MZT2A: variants seen among roughly 807,000 people sequenced by gnomAD.
MZT2A encodes mitotic spindle organizing protein 2A.
Under a neutral mutation model 12.4 loss-of-function variants are expected in MZT2A, and 8 were observed. The ratio of observed to expected loss-of-function variants is 0.64; its 90% CI spans 0.38 to 1.16. MZT2A has a LOEUF of 1.16. Among genes scored for constraint, MZT2A ranks in the 50% most tolerant of loss-of-function variants. MZT2A has a pLI of 0.01. For synonymous variants in MZT2A, 88 were observed against 107.5 expected (o/e 0.82, Z 1.12); for missense variants, 181 against 223.6 (o/e 0.81, Z 1.22).
chr2:131,493,137 A>G, upstream of MZT2A: 1 of 1,466,590 alleles, frequency 6.8e-7, no homozygotes, highest in Non-Finnish European at 9.0e-7. Context: ...TATGGGTCCC[A>G]CAGGTGAGTG....
chr2:131,493,575 A>G (rs768585229), upstream of MZT2A, among the ~76,000 whole-genome samples: 19 of 152,170 alleles, frequency 1.2e-4, no homozygotes, highest in Non-Finnish European at 2.6e-4. Context: ...GGAGAGTTGG[A>G]AACAAGTGGG....
chr2:131,486,980 T>C (rs1679075829), intron 2 of MZT2A, among the ~76,000 whole-genome samples: 1 of 152,168 alleles, frequency 6.6e-6, no homozygotes, highest in Admixed American at 6.5e-5. Context: ...TAGAATGGCC[T>C]GCAGTGCCTT....
rs1679332328 is a variant in MZT2A, at chr2:131,491,968, A to G, written c.227T>C (p.Leu76Pro). The change falls in exon 2 of 3, where the codon CTC becomes CCC. Residue 76 changes from leucine (L) to proline (P), a missense_variant. Around this residue, in one of 3 missense-constraint regions of MZT2A, gnomAD observed 106 missense variants for 127.2 expected, o/e 0.83. Transcript: ENST00000309451. Reference protein sequence around the residue: ...NVAPLAVFQMLKSMCAGQRLA... With the variant: ...NVAPLAVFQMPKSMCAGQRLA... ...CCTCTGCCCGGCACACATGGACTTG[A>G]GCATCTGGAAGACGGCGAGGGGGGC... 6.5e-7 allele frequency: 1 copy of G among 1,549,536 alleles called. No homozygotes were observed. Among genetic ancestry groups the G allele is most frequent in the Non-Finnish European group, 8.7e-7 (1 of 1,146,064 alleles).
chr2:131,482,606 G>A (rs1300486058), downstream of MZT2A: 5 of 1,613,926 alleles, frequency 3.1e-6, no homozygotes, highest in African/African-American at 4.0e-5. Context: ...CCTGGCCAAG[G>A]TGCAGCGGGC....
intron 2 of MZT2A, chr2:131,476,282 G>C: frequency 2.5e-6 from 4 of 1,607,392 alleles, no homozygotes; most frequent in Middle Eastern, 1.9e-4. Flanking sequence ...ACGTTGTTGC[G>C]GGCCTGGGCG....
intron 2 of MZT2A, 127 bp downstream of exon 2, chr2:131,491,749 T>G (rs1679318451): frequency 7.5e-7 from 1 of 1,325,266 alleles, no homozygotes; most frequent in Admixed American, 2.5e-5. Context: ...GCCCTGCAGG[T>G]GCTGGGCCTA....
rs1054796411 is a variant in MZT2A, at chr2:131,473,734, A to T, written c.279-1552T>A. Among the ~76,000 whole-genome samples, 2 of 112,684 alleles carry T rather than the reference A, an allele frequency of 1.8e-5. 1 individual carries two copies. The highest frequency in any genetic ancestry group is 1.5e-4 in the Admixed American group (2 of 13,056). 73.9% of individuals were successfully genotyped at this position (112,684 alleles called of 152,430 possible). On this transcript the variant is annotated intron_variant and NMD_transcript_variant, in intron 2 of 4. Transcript: ENST00000427024. ...GGTCAACATAGTGAGAACCAGTGTC[A>T]AAAAATAAATAAATAAAAAGGAAGA...
At chr2:131,487,358 G>A (rs373917322) in intron 2 of MZT2A, among the ~76,000 whole-genome samples, 1 of 152,088 alleles carries the variant, frequency 6.6e-6, no homozygotes, top group South Asian at 2.1e-4. Flanking sequence ...GTGTGCACCT[G>A]TAGTCCCAGC....
upstream of MZT2A, among the ~76,000 whole-genome samples, chr2:131,493,656 C>T (rs1345804569): frequency 1.3e-5 from 2 of 151,332 alleles, no homozygotes; most frequent in Admixed American, 6.7e-5. Context: ...CAAGGGCTGT[C>T]GCTGTCAGAA....
chr2:131,472,882 T>C (rs1256000979), intron 2 of MZT2A, among the ~76,000 whole-genome samples: 1 of 151,314 alleles, frequency 6.6e-6, no homozygotes, highest in Non-Finnish European at 1.5e-5. Flanking sequence ...GTTGGAGCCT[T>C]GAGGAAGGGG....
At chr2:131,476,564 G>A (rs1460283599) in intron 2 of MZT2A, among the ~76,000 whole-genome samples, 1 of 152,210 alleles carries the variant, frequency 6.6e-6, no homozygotes. Flanking sequence ...TCGGTGACGG[G>A]GGTTGGGGCT....
chr2:131,474,952 G>C (rs1395633038), intron 2 of MZT2A, among the ~76,000 whole-genome samples: 4 of 151,800 alleles, frequency 2.6e-5, no homozygotes, highest in Non-Finnish European at 5.9e-5. Context: ...TCTCAAACTT[G>C]GCCCAAATAA....
Position 131,484,166 on chromosome 2 carries a change from G to A in MZT2A, c.372C>T (p.Arg124=), listed in dbSNP as rs1268533369. 3 of 1,613,984 alleles carry A rather than the reference G, an allele frequency of 1.9e-6. No individual in the cohort carries two copies. The highest frequency in any genetic ancestry group is 2.5e-6 in the Non-Finnish European group (3 of 1,180,008). Residue 124 remains arginine, a synonymous_variant, in exon 3 of 3, where the codon CGC becomes CGT. Coordinates refer to ENST00000309451, the MANE Select transcript of MZT2A (RefSeq NM_001085365.2). ...ALGGVLALAE[R]SNHEGSSQRM... The stretch of plus-strand genomic sequence containing the variant: ...TCTGGCTGGATCCCTCGTGGTTGCT[G>A]CGTTCCGCCAGGGCCAATACTCCCC...
intron 2 of MZT2A, among the ~76,000 whole-genome samples, chr2:131,475,751 C>CCT (rs1262620017): frequency 6.6e-6 from 1 of 152,030 alleles, no homozygotes; most frequent in East Asian, 1.9e-4. Context: ...GGCGGCAAGG[C>CCT]CTCTCAGAGG....
chr2:131,489,030 A>G (rs566509489), intron 2 of MZT2A, among the ~76,000 whole-genome samples: 1 of 148,712 alleles, frequency 6.7e-6, no homozygotes, highest in South Asian at 2.1e-4. Flanking sequence ...CCCTGGGCCT[A>G]CCAGCACCTG....
intron 2 of MZT2A, among the ~76,000 whole-genome samples, chr2:131,489,201 C>CT (rs397873005): frequency 0.029 from 4,191 of 145,096 alleles, 32 homozygotes; most frequent in South Asian, 0.046. Flanking sequence ...CCTTTCTTTT[C>CT]TTTTTTTTTT....
rs569342167 is a variant in MZT2A, at chr2:131,484,638, C to T, written c.320-420G>A. On this transcript the variant is annotated intron_variant, in intron 2 of 2. Transcript: ENST00000309451. ...CTGCCTCATCCTCAAGGTGTGTTCACGCTGGACTGCACATCTGAGCTGCCC... is the reference window on the plus strand; with the variant it reads ...CTGCCTCATCCTCAAGGTGTGTTCATGCTGGACTGCACATCTGAGCTGCCC... Among the ~76,000 whole-genome samples the T allele has an allele frequency of 1.5e-4, 23 of 152,326 alleles. No individual in the cohort carries two copies. In the East Asian group the frequency reaches 2.3e-3, roughly 15 times the overall value.
chr2:131,493,477 G>T (rs574681862), upstream of MZT2A, among the ~76,000 whole-genome samples: 1 of 152,120 alleles, frequency 6.6e-6, no homozygotes, highest in Admixed American at 6.5e-5. Context: ...GGGAGGAAGA[G>T]CCGGGTGTGG....
chr2:131,493,484 G>T (rs1679431787), upstream of MZT2A, among the ~76,000 whole-genome samples: 1 of 152,160 alleles, frequency 6.6e-6, no homozygotes, highest in South Asian at 2.1e-4. Flanking sequence ...AGAGCCGGGT[G>T]TGGGTCCCAG....
Sources: allele counts gnomAD v4.1 joint callset (sites outside exome capture counted in the v4.1 genomes callset), GRCh38; gene constraint gnomAD v4.1.1; regional missense constraint gnomAD v4.1.1; transcripts MANE v1.5; gene names NCBI Gene and HGNC (gene_info 2026-07-23, HGNC 2026-07-21).